GLCE: variants seen among roughly 807,000 people sequenced by gnomAD.
GLCE encodes the protein glucuronic acid epimerase, also known as D-glucuronyl C5-epimerase.
GLCE carries 19 observed loss-of-function variants against 47.9 expected under a neutral mutation model. That is an observed-to-expected ratio of 0.40 (90% CI 0.28 to 0.58). The LOEUF is 0.58. Ranked by LOEUF, GLCE falls within the 20% of genes least tolerant of loss-of-function variation. The probability of loss-of-function intolerance (pLI) is 0.48; values close to 1 mark genes in which losing one functional copy is unlikely to be tolerated. For synonymous variants in GLCE, 245 were observed against 263.4 expected, an observed-to-expected ratio of 0.93 and a Z score of 0.68; for missense variants, 556 against 743.3, an observed-to-expected ratio of 0.75 and a Z score of 2.93.
intron 4 of GLCE, among the ~76,000 whole-genome samples, chr15:69,265,003 G>A (rs1175727745): frequency 5.3e-5 from 8 of 152,022 alleles, no homozygotes. Flanking sequence ...TTTGTTGATT[G>A]TTTCCCTTGC....
chr15:69,217,443 T>C (rs1302843190), intron 2 of GLCE, among the ~76,000 whole-genome samples: 2 of 151,678 alleles, frequency 1.3e-5, no homozygotes, highest in Non-Finnish European at 2.9e-5. Flanking sequence ...TTCCCTTCTC[T>C]TGAAAAGCAG....
chr15:69,258,840 A>G (rs905681216), intron 3 of GLCE, among the ~76,000 whole-genome samples: 2 of 151,976 alleles, frequency 1.3e-5, no homozygotes, highest in Admixed American at 6.6e-5. Context: ...CTATATTTCC[A>G]TTTTTTTGCT....
chr15:69,182,231 G>GAATTTA (rs2140341502), intron 1 of GLCE, among the ~76,000 whole-genome samples: 1 of 151,618 alleles, frequency 6.6e-6, no homozygotes, highest in East Asian at 1.9e-4. Context: ...TCCTGGCCAC[G>GAATTTA]AATTTAAAGA....
At chr15:69,225,199 G>C (rs1307434422) in intron 2 of GLCE, among the ~76,000 whole-genome samples, 2 of 151,748 alleles carry the variant, frequency 1.3e-5, no homozygotes, top group African/African-American at 4.8e-5. Context: ...TTGCAGGGCA[G>C]AGGTGGAGAG....
intron 3 of GLCE, among the ~76,000 whole-genome samples, chr15:69,258,185 C>G (rs2052957368): frequency 6.6e-6 from 1 of 152,014 alleles, no homozygotes; most frequent in African/African-American, 2.4e-5. Flanking sequence ...GTGTGTTGTT[C>G]CCCTCTATGT....
At chr15:69,210,142 C>T (rs1466482935) in intron 1 of GLCE, among the ~76,000 whole-genome samples, 174 bp from the exon 2 acceptor site, 1 of 152,060 alleles carries the variant, frequency 6.6e-6, no homozygotes, top group African/African-American at 2.4e-5. Context: ...TTCAGTGGTA[C>T]ATCAAATTCT....
At chr15:69,218,412 G>A (rs1436506918) in intron 2 of GLCE, among the ~76,000 whole-genome samples, 1 of 152,104 alleles carries the variant, frequency 6.6e-6, no homozygotes, top group Non-Finnish European at 1.5e-5. Flanking sequence ...TACTTGGGAG[G>A]CTGAGGCTGG....
At chr15:69,238,244 T>C (rs2052618689) in intron 2 of GLCE, among the ~76,000 whole-genome samples, 1 of 152,206 alleles carries the variant, frequency 6.6e-6, no homozygotes, top group African/African-American at 2.4e-5. Flanking sequence ...TAAATCTTTC[T>C]GCTCTTATCT....
At position 69,256,082 on chromosome 15, in the gene GLCE, T is replaced by C. The variant is rs751778408; in HGVS notation, c.276T>C (p.Asn92=). ...QKAPPVVGGF[N]SNVGSKVLGL... is the part of the protein sequence containing the mutation. ...CACCCCCTGTTGTTGGGGGCTTCAA[T>C]AGCAATGTGGGAAGTAAGGTGTTAG... Residue 92 remains asparagine (N), a synonymous_variant, in exon 3 of 5, where the codon AAT becomes AAC. Coordinates refer to ENST00000261858, the MANE Select transcript of GLCE (RefSeq NM_015554.3). The C allele has an allele frequency of 5.8e-5, 93 of 1,613,942 alleles. No individual in the cohort carries two copies. The highest frequency in any genetic ancestry group is 7.5e-5 in the Non-Finnish European group (89 of 1,179,992).
At chr15:69,217,137 G>A (rs2052318391) in intron 2 of GLCE, among the ~76,000 whole-genome samples, 1 of 151,742 alleles carries the variant, frequency 6.6e-6, no homozygotes, top group South Asian at 2.1e-4. Context: ...ATTATAGAAA[G>A]GTCTGCCCTT....
At chr15:69,219,473 A>G (rs943944473) in intron 2 of GLCE, among the ~76,000 whole-genome samples, 4 of 152,148 alleles carry the variant, frequency 2.6e-5, no homozygotes, top group African/African-American at 9.6e-5. Flanking sequence ...GAGTCTGTGT[A>G]TTTATTTCAG....
At chr15:69,214,601 C>T (rs527438695) in intron 2 of GLCE, among the ~76,000 whole-genome samples, 10 of 152,184 alleles carry the variant, frequency 6.6e-5, no homozygotes, top group Middle Eastern at 3.4e-3. Context: ...TGAAAACGGA[C>T]GAATTACATA....
intron 2 of GLCE, among the ~76,000 whole-genome samples, chr15:69,210,829 A>G (rs890756004): frequency 6.6e-6 from 1 of 152,122 alleles, no homozygotes; most frequent in Non-Finnish European, 1.5e-5. Context: ...CACTTAATAC[A>G]TATTGTGTGT....
chr15:69,235,622 A>G (rs981666511), intron 2 of GLCE, among the ~76,000 whole-genome samples: 7 of 152,176 alleles, frequency 4.6e-5, no homozygotes, highest in African/African-American at 1.2e-4. Flanking sequence ...AAGATTGTCA[A>G]GCTTACCAGG....
intron 2 of GLCE, among the ~76,000 whole-genome samples, chr15:69,219,658 T>C (rs998509789): frequency 6.6e-6 from 1 of 152,168 alleles, no homozygotes; most frequent in African/African-American, 2.4e-5. Context: ...ATAAGCTGGT[T>C]GGATTACGGT....
intron 2 of GLCE, among the ~76,000 whole-genome samples, chr15:69,248,474 A>G (rs576761303): frequency 6.6e-6 from 1 of 152,176 alleles, no homozygotes; most frequent in Non-Finnish European, 1.5e-5. Context: ...TCTGGTTCAA[A>G]TGTCTGTTTT....
chr15:69,219,100 T>C (rs1252223642), intron 2 of GLCE, among the ~76,000 whole-genome samples: 1 of 152,126 alleles, frequency 6.6e-6, no homozygotes, highest in Non-Finnish European at 1.5e-5. Context: ...ACTGTGAACA[T>C]TAATAACTTC....
At chr15:69,202,259 AC>A (rs2052086411) in intron 1 of GLCE, among the ~76,000 whole-genome samples, 1 of 151,904 alleles carries the variant, frequency 6.6e-6, no homozygotes, top group African/African-American at 2.4e-5. Context: ...GAGAGTACTT[AC>A]CCAATTAAAA....
At chr15:69,220,767 C>T (rs953860432) in intron 2 of GLCE, among the ~76,000 whole-genome samples, 1 of 152,102 alleles carries the variant, frequency 6.6e-6, no homozygotes, top group Non-Finnish European at 1.5e-5. Context: ...TTTTGATGCA[C>T]AACATTTTAA....
Sources: allele counts gnomAD v4.1 joint callset (sites outside exome capture counted in the v4.1 genomes callset), GRCh38; gene constraint gnomAD v4.1.1; transcripts MANE v1.5; gene names NCBI Gene and HGNC (gene_info 2026-07-23, HGNC 2026-07-21).